DLG2: variants seen among roughly 807,000 people sequenced by gnomAD.
DLG2 encodes the protein discs large MAGUK scaffold protein 2, also known as disks large homolog 2.
DLG2 carries 45 observed loss-of-function variants against 132.5 expected under a neutral mutation model. The ratio of observed to expected loss-of-function variants is 0.34; its 90% CI spans 0.27 to 0.44. The LOEUF (loss-of-function observed/expected upper bound fraction) is 0.44. Ranked by LOEUF, DLG2 falls within the 20% of genes least tolerant of loss-of-function variation. The pLI is 1.00. For missense variants in DLG2, 1,045 were observed against 1,196.9 expected (o/e 0.87, Z 1.87); for synonymous variants, 424 against 419.6 (o/e 1.01, Z -0.13).
rs189161528 is a variant in DLG2 at position 84,815,706 on chromosome 11, C to T, written c.358-280975G>A. Among the ~76,000 whole-genome samples the T allele has an allele frequency of 3.7e-3, 568 of 152,080 alleles. 1 individual carries two copies. Among genetic ancestry groups the T allele is most frequent in the Non-Finnish European group, 5.5e-3 (372 of 67,942 alleles). On this transcript the variant is annotated intron_variant, in intron 6 of 27. Coordinates refer to ENST00000376104, the MANE Select transcript of DLG2 (RefSeq NM_001142699.3). ...AAGAAGGTCAATTTGCCGAAAAATG[C>T]ATTTAATGATTTTCAAAGCCATATA...
chr11:83,804,729 T>G (rs559859864), intron 17 of DLG2, among the ~76,000 whole-genome samples: 101 of 152,086 alleles, frequency 6.6e-4, no homozygotes, highest in Non-Finnish European at 1.2e-3. Context: ...ACAATGCCAT[T>G]ATTACTCCAG....
chr11:83,993,093 T>C (rs1052325782), intron 11 of DLG2, among the ~76,000 whole-genome samples: 2 of 152,144 alleles, frequency 1.3e-5, no homozygotes, highest in African/African-American at 2.4e-5. Flanking sequence ...ATGGAAAATA[T>C]AGGCAGTTAG....
chr11:84,282,652 G>T (rs1002298508), intron 7 of DLG2, among the ~76,000 whole-genome samples: 6 of 151,998 alleles, frequency 3.9e-5, no homozygotes, highest in Non-Finnish European at 7.4e-5. Context: ...GAGGGGTTGG[G>T]GGAGAAAAAA....
At chr11:84,071,388 A>T (rs1309724663) in intron 10 of DLG2, among the ~76,000 whole-genome samples, 3 of 152,014 alleles carry the variant, frequency 2.0e-5, no homozygotes, top group Non-Finnish European at 4.4e-5. Flanking sequence ...TACAGGCGCG[A>T]GCTACCATGC....
intron 7 of DLG2, among the ~76,000 whole-genome samples, chr11:84,325,493 A>G (rs1404898962): frequency 6.6e-6 from 1 of 152,098 alleles, no homozygotes; most frequent in East Asian, 1.9e-4. Flanking sequence ...CTTTTTCTGC[A>G]TCTATTGATA....
chr11:84,469,988 T>C (rs1246543558), intron 7 of DLG2, among the ~76,000 whole-genome samples: 1 of 151,758 alleles, frequency 6.6e-6, no homozygotes, highest in East Asian at 1.9e-4. Flanking sequence ...GCTGTAAACC[T>C]GTACAGCATG....
At chr11:85,401,516 G>A (rs903089210) in intron 3 of DLG2, among the ~76,000 whole-genome samples, 8 of 152,092 alleles carry the variant, frequency 5.3e-5, no homozygotes, top group Admixed American at 5.2e-4. Context: ...AAGAAATAAA[G>A]GGTATTCAAT....
At chr11:84,956,440 C>T (rs1350200211) in intron 6 of DLG2, among the ~76,000 whole-genome samples, 3 of 152,122 alleles carry the variant, frequency 2.0e-5, no homozygotes, top group South Asian at 2.1e-4. Flanking sequence ...CAGATTTGAA[C>T]CAGGTCATAT....
chr11:84,733,212 A>C (rs900636170), intron 6 of DLG2, among the ~76,000 whole-genome samples: 46 of 152,254 alleles, frequency 3.0e-4, no homozygotes, highest in African/African-American at 9.4e-4. Flanking sequence ...TGAGGAATCG[A>C]CACACTGACT....
chr11:84,468,223 T>C (rs955170134), intron 7 of DLG2, among the ~76,000 whole-genome samples: 14 of 151,522 alleles, frequency 9.2e-5, no homozygotes, highest in Admixed American at 3.3e-4. Flanking sequence ...GTATGCCTTA[T>C]TGGGTTGAGT....
At chr11:84,024,322 A>ACCTC (rs2095481701) in intron 11 of DLG2, among the ~76,000 whole-genome samples, 1 of 152,198 alleles carries the variant, frequency 6.6e-6, no homozygotes, top group South Asian at 2.1e-4. Flanking sequence ...GGGTCAACAG[A>ACCTC]AGAAATACAG....
chr11:85,615,975 A>G (rs985646708), intron 2 of DLG2, among the ~76,000 whole-genome samples: 4 of 151,900 alleles, frequency 2.6e-5, no homozygotes, highest in African/African-American at 7.3e-5. Context: ...CTACAAAATA[A>G]TTTTTATATG....
intron 10 of DLG2, among the ~76,000 whole-genome samples, chr11:84,084,030 T>G (rs1387087625): frequency 6.6e-6 from 1 of 152,150 alleles, no homozygotes; most frequent in Non-Finnish European, 1.5e-5. Context: ...CGCAGTTCAC[T>G]CCAGTAGATA....
At chr11:85,205,165 GAT>G (rs34558284) in intron 4 of DLG2, among the ~76,000 whole-genome samples, 3,875 of 141,720 alleles carry the variant, frequency 0.027, 79 homozygotes, top group Non-Finnish European at 0.042. Flanking sequence ...TATATATATA[GAT>G]ATATATATAT....
intron 3 of DLG2, among the ~76,000 whole-genome samples, chr11:85,332,058 C>T (rs2081795100): frequency 6.6e-6 from 1 of 152,118 alleles, no homozygotes; most frequent in African/African-American, 2.4e-5. Flanking sequence ...TCCATGGTGG[C>T]TGAACTAATT....
At chr11:83,641,329 T>A (rs1273619201) in intron 18 of DLG2, among the ~76,000 whole-genome samples, 2 of 152,206 alleles carry the variant, frequency 1.3e-5, no homozygotes, top group African/African-American at 4.8e-5. Flanking sequence ...GGATTAGCCA[T>A]AGAACACTAT....
intron 2 of DLG2, among the ~76,000 whole-genome samples, chr11:85,613,200 C>T (rs1435054829): frequency 6.6e-6 from 1 of 152,152 alleles, no homozygotes; most frequent in African/African-American, 2.4e-5. Context: ...TATTTTTAAC[C>T]TGCTTGTCAA....
chr11:84,052,089 A>G (rs539066243), intron 11 of DLG2, among the ~76,000 whole-genome samples: 5 of 151,886 alleles, frequency 3.3e-5, no homozygotes, highest in Non-Finnish European at 5.9e-5. Flanking sequence ...ATTTCTGCAC[A>G]TGGCATACCC....
intron 7 of DLG2, among the ~76,000 whole-genome samples, chr11:84,491,915 A>G (rs940404841): frequency 5.3e-5 from 8 of 152,210 alleles, no homozygotes; most frequent in Middle Eastern, 3.4e-3. Context: ...TCACATTTCA[A>G]TCTTTTGACT....
Sources: gnomAD v4.1 joint callset for allele counts (sites outside exome capture counted in the v4.1 genomes callset) on GRCh38, gnomAD v4.1.1 for gene constraint, MANE v1.5 for transcripts, NCBI Gene and HGNC (gene_info 2026-07-23, HGNC 2026-07-21) for gene names.